The following RANGAP1 variants were observed in gnomAD, a reference collection of about 807,000 sequenced individuals.
The protein encoded by RANGAP1 is Ran GTPase activating protein 1.
A neutral mutation model predicts 63.5 loss-of-function variants in RANGAP1; 38 were observed. The observed-to-expected ratio is 0.60, with a 90% confidence interval of 0.46 to 0.78. The LOEUF (loss-of-function observed/expected upper bound fraction) is 0.78. RANGAP1 is among the 30% of genes least tolerant of loss of function. The pLI, the probability that RANGAP1 is intolerant of heterozygous loss-of-function variation, is 0.00. For missense variants in RANGAP1, 630 were observed against 740.3 expected (o/e 0.85, Z 1.73); for synonymous variants, 329 against 310.5 (o/e 1.06, Z -0.63).
Position 41,264,720 on chromosome 22 carries a change from A to G in RANGAP1, c.424T>C (p.Phe142Leu), listed in dbSNP as rs2034366863. 1 of 1,613,882 alleles carries G rather than the reference A, an allele frequency of 6.2e-7. No homozygotes were observed. The highest frequency in any genetic ancestry group is 8.5e-7 in the Non-Finnish European group (1 of 1,179,840). ...TTGAGCTTGAGTTCCTGCAGGGTGA[A>G]GCAGGCTGAGCTCTTGAGCAGGGCC... Reference protein sequence around the residue: ...FEALLKSSACFTLQELKLNNC... With the variant: ...FEALLKSSACLTLQELKLNNC... Residue 142 changes from phenylalanine (F) to leucine (L), a missense_variant, in exon 5 of 16, where the codon TTC (phenylalanine) becomes CTC (leucine). Phe to Leu is a conservative substitution (Grantham distance 22). Coordinates refer to ENST00000356244, the MANE Select transcript of RANGAP1 (RefSeq NM_002883.4).
chr22:41,280,838 G>A lies in RANGAP1; in HGVS notation c.112+95C>T, dbSNP rs889513827. 6 of 1,571,484 alleles carry A rather than the reference G, an allele frequency of 3.8e-6. No individual in the cohort carries two copies. In the African/African-American group the frequency reaches 5.4e-5, roughly 14 times the overall value. ...CAGAGCTGCTGGGACAAATAATGGAGACAATGTAGCAGAAAGAGCCTGACA... is the reference window on the plus strand; with the variant it reads ...CAGAGCTGCTGGGACAAATAATGGAAACAATGTAGCAGAAAGAGCCTGACA... On this transcript the variant is annotated intron_variant, in intron 2 of 15. Transcript: ENST00000356244.
Position 41,256,302 on chromosome 22 carries a change from A to G in RANGAP1, c.889-12T>C, listed in dbSNP as rs551502411. On this transcript the variant is annotated splice_polypyrimidine_tract_variant and intron_variant, in intron 8 of 15. Coordinates refer to ENST00000356244, the MANE Select transcript of RANGAP1 (RefSeq NM_002883.4). Reference sequence around the variant, plus strand: ...GACAAGTTCAGCTCCTGAAAATAAGAGGAAGGGTTGGAGGCAGGCAGAAAC... The same window carrying G: ...GACAAGTTCAGCTCCTGAAAATAAGGGGAAGGGTTGGAGGCAGGCAGAAAC... 1.9e-6 allele frequency: 3 copies of G among 1,613,610 alleles called. No homozygotes were observed. The highest frequency in any genetic ancestry group is 4.5e-5 in the East Asian group (2 of 44,874).
chr22:41,268,053 AGAGGGCC>A (rs1163213095), intron 4 of RANGAP1, 37 bp downstream of exon 4: 1 of 1,473,468 alleles, frequency 6.8e-7, no homozygotes, highest in Non-Finnish European at 9.3e-7. Context: ...GAATTGCCAA[AGAGGGCC>A]TTGCGCGTGG....
chr22:41,296,047 C>A, the RANGAP1 span, among the ~76,000 whole-genome samples: 2 of 145,542 alleles, frequency 1.4e-5, no homozygotes, highest in East Asian at 3.9e-4. Flanking sequence ...AAGGACCTAT[C>A]AGCCCCAAGT....
chr22:41,248,324 G>C (rs1355793034), intron 15 of RANGAP1, among the ~76,000 whole-genome samples: 1 of 152,208 alleles, frequency 6.6e-6, no homozygotes, highest in African/African-American at 2.4e-5. Context: ...CCCAAGGGGT[G>C]GTCTGGTGTG....
chr22:41,246,289 G>A lies in RANGAP1; in HGVS notation c.*314C>T. 4.1e-6 allele frequency: 1 copy of A among 241,028 alleles called. No homozygotes were observed. The highest frequency in any genetic ancestry group is 8.2e-6 in the Non-Finnish European group (1 of 122,562). The allele number at this position is 241,028 out of a possible 1,614,324, so 14.9% of individuals were successfully genotyped here. On this transcript the variant is annotated 3_prime_UTR_variant, in exon 16 of 16. Transcript: ENST00000356244. ...ATCAGGGCCCAGGCGGAGATCAGCA[G>A]AGCGCCCTCAGGTGGAGGTGAGTTT...
chr22:41,278,038 G>GT (rs376152766), intron 2 of RANGAP1, among the ~76,000 whole-genome samples: 44,910 of 132,150 alleles, frequency 0.34, 8,072 homozygotes, highest in Admixed American at 0.52. Context: ...CCAAACTTGA[G>GT]TTTTTTTTTT....
chr22:41,264,416 G>A (rs2034345753), intron 5 of RANGAP1, among the ~76,000 whole-genome samples: 1 of 152,248 alleles, frequency 6.6e-6, no homozygotes, highest in African/African-American at 2.4e-5. Flanking sequence ...CCAGCAGGCT[G>A]GAGCAGGTAT....
chr22:41,247,779 A>G (rs59760032), intron 15 of RANGAP1, among the ~76,000 whole-genome samples: 6,311 of 152,326 alleles, frequency 0.041, 425 homozygotes, highest in African/African-American at 0.14. Flanking sequence ...GCCTGAAGCC[A>G]GTGAACAGGC....
At chr22:41,269,928 G>T (rs908019739) in intron 3 of RANGAP1, among the ~76,000 whole-genome samples, 1 of 151,974 alleles carries the variant, frequency 6.6e-6, no homozygotes, top group Non-Finnish European at 1.5e-5. Flanking sequence ...CCGCCTCCCA[G>T]GTTCAAGTGA....
chr22:41,287,383 T>TTG (rs1555950581), upstream of RANGAP1, among the ~76,000 whole-genome samples: 91 of 139,744 alleles, frequency 6.5e-4, no homozygotes, highest in Middle Eastern at 3.7e-3. Flanking sequence ...TTTTTTTTTG[T>TTG]TTTTTTTTTT....
intron 2 of RANGAP1, among the ~76,000 whole-genome samples, chr22:41,278,820 G>T (rs1054339747): frequency 6.6e-6 from 1 of 152,176 alleles, no homozygotes; most frequent in African/African-American, 2.4e-5. Flanking sequence ...GGCCAACATG[G>T]CAAAACCCCG....
chr22:41,271,315 G>C (rs1001113762), intron 3 of RANGAP1, among the ~76,000 whole-genome samples: 1 of 149,924 alleles, frequency 6.7e-6, no homozygotes, highest in Non-Finnish European at 1.5e-5. Context: ...TTGAGCCTGG[G>C]AGTGCAAGGC....
chr22:41,269,552 T>C (rs367820705), intron 3 of RANGAP1, among the ~76,000 whole-genome samples: 3 of 151,478 alleles, frequency 2.0e-5, no homozygotes, highest in African/African-American at 7.3e-5. Flanking sequence ...CTGGCCAACA[T>C]GTCAAAACCC....
the RANGAP1 span, among the ~76,000 whole-genome samples, chr22:41,294,937 C>G: frequency 9.6e-6 from 1 of 104,154 alleles, no homozygotes; most frequent in African/African-American, 3.9e-5. Context: ...GGTGGGGGAT[C>G]AGCCCCCCGC....
intron 2 of RANGAP1, chr22:41,280,725 C>A (rs931805972): frequency 1.3e-6 from 2 of 1,507,454 alleles, no homozygotes; most frequent in Non-Finnish European, 1.8e-6. Flanking sequence ...AAGGGATGCC[C>A]AATACAAACA....
upstream of RANGAP1, among the ~76,000 whole-genome samples, chr22:41,286,736 C>T (rs1228150583): frequency 6.6e-6 from 1 of 152,218 alleles, no homozygotes; most frequent in Admixed American, 6.5e-5. Context: ...TCCGCAGACA[C>T]CACTTGAACG....
rs1408222208 is a variant in RANGAP1 at position 41,245,271 on chromosome 22, T to C, written c.*1332A>G. On this transcript the variant is annotated 3_prime_UTR_variant, in exon 16 of 16. Transcript: ENST00000356244. ...GGGCTCCCAAAGCACATACATGGTG[T>C]AGGGTAGGAGGTAAGGAAGGTTGGC... Among the ~76,000 whole-genome samples, 1 of 152,074 alleles carries C rather than the reference T, an allele frequency of 6.6e-6. No homozygotes were observed. Among genetic ancestry groups the C allele is most frequent in the African/African-American group, 2.4e-5 (1 of 41,406 alleles).
At chr22:41,275,464 C>A (rs2035080034) in intron 2 of RANGAP1, among the ~76,000 whole-genome samples, 1 of 151,360 alleles carries the variant, frequency 6.6e-6, no homozygotes, top group Non-Finnish European at 1.5e-5. Flanking sequence ...TGCACTCCAG[C>A]CTGGGAGACA....
Sources: gnomAD v4.1 joint callset for allele counts (sites outside exome capture counted in the v4.1 genomes callset) on GRCh38, gnomAD v4.1.1 for gene constraint, MANE v1.5 for transcripts, NCBI Gene and HGNC (gene_info 2026-07-23, HGNC 2026-07-21) for gene names.